The following NRXN1 variants were observed in gnomAD, a reference collection of about 807,000 sequenced individuals.
The protein encoded by NRXN1 is neurexin 1.
A neutral mutation model predicts 150.9 loss-of-function variants in NRXN1; 39 were observed. That is an observed-to-expected ratio of 0.26 (90% confidence interval 0.20 to 0.34). The LOEUF (loss-of-function observed/expected upper bound fraction) is 0.34. Ranked by LOEUF, NRXN1 falls within the 10% of genes least tolerant of loss-of-function variation. The pLI is 1.00. For missense variants in NRXN1, 1,815 were observed against 1,949.9 expected (o/e 0.93, Z 1.30); for synonymous variants, 924 against 757.0 (o/e 1.22, Z -3.62).
intron 18 of NRXN1, among the ~76,000 whole-genome samples, chr2:50,121,989 C>A (rs1574029547): frequency 6.6e-6 from 1 of 152,228 alleles, no homozygotes; most frequent in East Asian, 1.9e-4. Flanking sequence ...TCCTCATGTA[C>A]AAAAATATAT....
At chr2:50,861,993 C>A (rs530901122) in intron 5 of NRXN1, among the ~76,000 whole-genome samples, 1 of 151,714 alleles carries the variant, frequency 6.6e-6, no homozygotes, top group South Asian at 2.1e-4. Flanking sequence ...CCTGAGGTCA[C>A]GAGTTCAAGA....
At chr2:50,781,297 T>C (rs1020693331) in intron 5 of NRXN1, among the ~76,000 whole-genome samples, 1 of 152,228 alleles carries the variant, frequency 6.6e-6, no homozygotes, top group South Asian at 2.1e-4. Context: ...GAAGAATATA[T>C]GCATGGAGGG....
chr2:50,483,942 G>GT (rs201160745), intron 15 of NRXN1, among the ~76,000 whole-genome samples: 2 of 152,106 alleles, frequency 1.3e-5, no homozygotes, highest in Non-Finnish European at 2.9e-5. Context: ...TGAAAGACAG[G>GT]TTTTTTTCTT....
chr2:50,322,504 A>G (rs563867720), intron 17 of NRXN1, among the ~76,000 whole-genome samples: 2 of 152,288 alleles, frequency 1.3e-5, no homozygotes, highest in South Asian at 4.1e-4. Context: ...TTAGACAAGG[A>G]ATTTTTCAGG....
At chr2:50,782,221 C>T (rs192751459) in intron 5 of NRXN1, among the ~76,000 whole-genome samples, 37 of 152,008 alleles carry the variant, frequency 2.4e-4, no homozygotes, top group African/African-American at 8.7e-4. Context: ...AAGGATGATA[C>T]ACTTTGGGAG....
At chr2:49,963,300 G>T (rs938138667) in intron 21 of NRXN1, among the ~76,000 whole-genome samples, 1 of 152,184 alleles carries the variant, frequency 6.6e-6, no homozygotes, top group Admixed American at 6.6e-5. Context: ...TTCAAAATTT[G>T]TCTTTCAAGT....
In NRXN1 at chr2:50,712,280, C is replaced by T. The variant is rs142135718; in HGVS notation, c.833-88665G>A. ...GATTCTAAAGTCTTCCCTTTCCTTT[C>T]CAATGCTGTATCTCCGTATATCAAA... On this transcript the variant is annotated intron_variant, in intron 5 of 22. Transcript: ENST00000401669. Among the ~76,000 whole-genome samples the T allele has an allele frequency of 4.9e-3, 748 of 152,198 alleles. 7 individuals carry two copies. The highest frequency in any genetic ancestry group is 0.017 in the African/African-American group (720 of 41,508).
chr2:50,629,477 G>A (rs1681837121), intron 5 of NRXN1, among the ~76,000 whole-genome samples: 1 of 151,540 alleles, frequency 6.6e-6, no homozygotes, highest in Non-Finnish European at 1.5e-5. Context: ...AGATGGAGAG[G>A]GGATAGTAGT....
chr2:49,946,616 C>T (rs1355337688), intron 21 of NRXN1, among the ~76,000 whole-genome samples: 8 of 152,026 alleles, frequency 5.3e-5, no homozygotes, highest in Admixed American at 5.2e-4. Context: ...GCCAGTTTTC[C>T]CAACACCATT....
At chr2:50,854,992 T>C (rs1421141519) in intron 5 of NRXN1, among the ~76,000 whole-genome samples, 1 of 151,972 alleles carries the variant, frequency 6.6e-6, no homozygotes, top group Admixed American at 6.6e-5. Context: ...GTGCAGGGCC[T>C]GAAAACCTGT....
Position 50,347,796 on chromosome 2 carries a change from A to G in NRXN1, c.3365-110826T>C. 1.0e-6 allele frequency: 1 copy of G among 986,386 alleles called. No individual in the cohort carries two copies. Among genetic ancestry groups the G allele is most frequent in the Non-Finnish European group, 1.2e-6 (1 of 830,632 alleles). The allele number at this position is 986,386 out of a possible 1,614,324, so 61.1% of individuals were successfully genotyped here. A position where few individuals can be genotyped will look rare whatever the true frequency, so the allele number is the denominator to read the frequency against. On this transcript the variant is annotated intron_variant, in intron 17 of 22. Coordinates refer to ENST00000401669, the MANE Select transcript of NRXN1 (RefSeq NM_001330078.2). This position sits in a 1 kb window ranked among gnomAD's most constrained non-coding sequence, Gnocchi z 4.9. ...ACACGCTGGTGAAGCAAGGGGCTCT[A>G]TGCAAATCTGCAGTCTCCAAACAGC...
In NRXN1 at chr2:50,206,913, T is replaced by C. The variant is rs951853738; in HGVS notation, c.3546+29876A>G. Among the ~76,000 whole-genome samples, 355 of 150,638 alleles carry C rather than the reference T, an allele frequency of 2.4e-3. 1 individual carries two copies. Among genetic ancestry groups the C allele is most frequent in the African/African-American group, 7.9e-3 (325 of 41,040 alleles). ...ACACACACACACACACACATACATA[T>C]ACACACACATACAAACCCAGTGAAT... is the stretch of plus-strand genomic sequence containing the variant. On this transcript the variant is annotated intron_variant, in intron 18 of 22. Transcript: ENST00000401669.
chr2:50,298,076 T>G (rs973617127), intron 17 of NRXN1, among the ~76,000 whole-genome samples: 2 of 152,012 alleles, frequency 1.3e-5, no homozygotes, highest in African/African-American at 4.8e-5. Flanking sequence ...AATATTAATA[T>G]TAAGATTAAT....
chr2:50,014,392 T>G (rs1686226266), intron 21 of NRXN1, among the ~76,000 whole-genome samples: 1 of 152,108 alleles, frequency 6.6e-6, no homozygotes, highest in South Asian at 2.1e-4. Flanking sequence ...TTTGTAACCA[T>G]GATGCAATTG....
chr2:51,002,136 A>T (rs1486513817), intron 2 of NRXN1, among the ~76,000 whole-genome samples: 1 of 152,028 alleles, frequency 6.6e-6, no homozygotes, highest in Non-Finnish European at 1.5e-5. Flanking sequence ...ACTTCCTTAC[A>T]AAGGCCTCCA....
At chr2:50,274,998 T>G (rs1031147947) in intron 17 of NRXN1, among the ~76,000 whole-genome samples, 2 of 152,190 alleles carry the variant, frequency 1.3e-5, no homozygotes, top group Admixed American at 6.5e-5. Flanking sequence ...ATGTTTTGAA[T>G]GACAAGGTAT....
At chr2:50,917,998 T>C (rs1028394144) in intron 5 of NRXN1, 1 of 151,698 alleles carries the variant, frequency 6.6e-6, no homozygotes, top group Non-Finnish European at 1.5e-5. Context: ...TAATATTAGA[T>C]ATTACTCATC....
At chr2:50,870,456 C>T (rs548806330) in intron 5 of NRXN1, among the ~76,000 whole-genome samples, 17 of 152,106 alleles carry the variant, frequency 1.1e-4, no homozygotes, top group African/African-American at 3.4e-4. Context: ...CACCAACACA[C>T]ATGGCAGTCA....
At chr2:50,847,099 CTGACATGAGGGTCTTG>C (rs1161687179) in intron 5 of NRXN1, among the ~76,000 whole-genome samples, 4 of 152,120 alleles carry the variant, frequency 2.6e-5, no homozygotes, top group Non-Finnish European at 4.4e-5. Context: ...CAAGGTATCT[CTGACATGAGGGTCTTG>C]TGACATGCAT....
Sources: allele counts gnomAD v4.1 joint callset (sites outside exome capture counted in the v4.1 genomes callset), GRCh38; gene constraint gnomAD v4.1.1; non-coding constraint Gnocchi (gnomAD v3.1); transcripts MANE v1.5; gene names NCBI Gene and HGNC (gene_info 2026-07-23, HGNC 2026-07-21).